PRKDC: variants seen among roughly 807,000 people sequenced by gnomAD.
PRKDC encodes the protein DNA-dependent protein kinase catalytic subunit.
Under a neutral mutation model 486.9 loss-of-function variants are expected in PRKDC, and 82 were observed. That is an observed-to-expected ratio of 0.17 (90% CI 0.14 to 0.20). The LOEUF (loss-of-function observed/expected upper bound fraction) is 0.20, where lower values mean the gene tolerates loss of function less well. Among genes scored for constraint, PRKDC ranks in the 10% least tolerant of loss-of-function variants. The pLI, the probability that PRKDC is intolerant of heterozygous loss-of-function variation, is 1.00. For missense variants in PRKDC, 4,504 were observed against 5,038.2 expected (o/e 0.89, Z 3.21); for synonymous variants, 1,895 against 1,837.0 (o/e 1.03, Z -0.81).
chr8:47,811,992 T>C (rs537047327), intron 68 of PRKDC, among the ~76,000 whole-genome samples: 2 of 152,096 alleles, frequency 1.3e-5, no homozygotes, highest in South Asian at 4.2e-4. Context: ...AAAAAGTATT[T>C]CCACCGTGGC....
At chr8:47,785,588 G>T (rs1392005532) in intron 76 of PRKDC, among the ~76,000 whole-genome samples, 1 of 152,136 alleles carries the variant, frequency 6.6e-6, no homozygotes, top group Non-Finnish European at 1.5e-5. Context: ...AAAAACATTA[G>T]CTGGGTGTGA....
chr8:47,909,591 G>A (rs543876559), intron 25 of PRKDC, among the ~76,000 whole-genome samples: 2 of 152,278 alleles, frequency 1.3e-5, no homozygotes, highest in South Asian at 4.1e-4. Context: ...CTGCCTACAG[G>A]GTCAGGCAGA....
chr8:47,947,485 G>C (rs1208959979), intron 7 of PRKDC, among the ~76,000 whole-genome samples: 1 of 152,218 alleles, frequency 6.6e-6, no homozygotes, highest in Non-Finnish European at 1.5e-5. Context: ...TGGCACCCAT[G>C]GCCAGGCACA....
In PRKDC at chr8:47,860,786, A is replaced by C. The variant is rs894953099; in HGVS notation, c.6058+113T>G. On this transcript the variant is annotated intron_variant, in intron 45 of 85. Coordinates refer to ENST00000314191, the MANE Select transcript of PRKDC (RefSeq NM_006904.7). ...AATTTCAATGTTTTAGGGTACTTAAAGTATTTTCTATTTACATAAAAAATA... is the reference window on the plus strand; with the variant it reads ...AATTTCAATGTTTTAGGGTACTTAACGTATTTTCTATTTACATAAAAAATA... 25 of 742,200 alleles carry C rather than the reference A, an allele frequency of 3.4e-5. No individual in the cohort carries two copies. The South Asian group carries it at 4.9e-4, about 15-fold the overall frequency. The allele number at this position is 742,200 out of a possible 1,614,324, so 46.0% of individuals were successfully genotyped here.
intron 46 of PRKDC, among the ~76,000 whole-genome samples, chr8:47,859,235 G>T (rs919216406): frequency 6.6e-6 from 1 of 152,152 alleles, no homozygotes; most frequent in Non-Finnish European, 1.5e-5. Flanking sequence ...TGGCTCCTGA[G>T]GTCAGATGTC....
chr8:47,780,123 C>T (rs1447950620), intron 80 of PRKDC, among the ~76,000 whole-genome samples: 5 of 151,468 alleles, frequency 3.3e-5, no homozygotes, highest in Non-Finnish European at 5.9e-5. Flanking sequence ...CCATGTTGAC[C>T]AGACTGGTCT....
intron 21 of PRKDC, among the ~76,000 whole-genome samples, chr8:47,925,326 G>A (rs1322851369): frequency 1.3e-5 from 2 of 152,202 alleles, no homozygotes; most frequent in African/African-American, 2.4e-5. Flanking sequence ...AGAACCCAGC[G>A]TCTGTCAAAA....
intron 24 of PRKDC, among the ~76,000 whole-genome samples, chr8:47,913,262 T>G (rs1449049877): frequency 2.0e-5 from 3 of 152,240 alleles, no homozygotes; most frequent in Non-Finnish European, 4.4e-5. Context: ...TATGCCTGTA[T>G]GAAAATTTGA....
chr8:47,902,060 C>T (rs978150837), intron 27 of PRKDC, among the ~76,000 whole-genome samples: 1 of 152,154 alleles, frequency 6.6e-6, no homozygotes, highest in Non-Finnish European at 1.5e-5. Context: ...CGGTGACCTA[C>T]GCTCCTTACT....
At chr8:47,849,552 T>C in intron 52 of PRKDC, 49 bp from the exon 53 acceptor site, 12 of 1,589,652 alleles carry the variant, frequency 7.5e-6, no homozygotes, top group Non-Finnish European at 1.0e-5. Flanking sequence ...AAATGTAGGT[T>C]AAGCATTGAA....
intron 47 of PRKDC, 101 bp from the exon 48 acceptor site, chr8:47,858,736 A>G: frequency 6.8e-7 from 1 of 1,462,252 alleles, no homozygotes; most frequent in South Asian, 1.5e-5. Context: ...TGAACAAAAA[A>G]AAATCACATT....
chr8:47,779,218 A>G, intron 80 of PRKDC, 125 bp from the exon 81 acceptor site: 2 of 661,158 alleles, frequency 3.0e-6, no homozygotes, highest in Admixed American at 3.2e-5. Flanking sequence ...TAAGACTTTT[A>G]ACCATATTCA....
Position 47,944,059 on chromosome 8 carries a change from A to G in PRKDC, c.722-30T>C, listed in dbSNP as rs56238911. 1.2e-5 allele frequency: 19 copies of G among 1,522,980 alleles called. No homozygotes were observed. The East Asian group carries it at 3.9e-4, about 31-fold the overall frequency. 94.3% of individuals were successfully genotyped at this position (1,522,980 alleles called of 1,614,324 possible). On this transcript the variant is annotated intron_variant, in intron 7 of 85. Coordinates refer to ENST00000314191, the MANE Select transcript of PRKDC (RefSeq NM_006904.7). ...GGAAATACCAAGAAGCCTGTTACAAATCGTAATAACAGTATCACATAACAC... is the reference window on the plus strand; with the variant it reads ...GGAAATACCAAGAAGCCTGTTACAAGTCGTAATAACAGTATCACATAACAC...
chr8:47,902,730 G>C lies in PRKDC; in HGVS notation c.3108C>G (p.Phe1036Leu). 6.2e-7 allele frequency: 1 copy of C among 1,613,710 alleles called. No homozygotes were observed. The highest frequency in any genetic ancestry group is 8.5e-7 in the Non-Finnish European group (1 of 1,179,768). The change falls in exon 27 of 86, where the codon TTC (phenylalanine) becomes TTG (leucine). Residue 1036 changes from phenylalanine to leucine, a missense_variant. Physicochemically the swap from Phe to Leu is conservative, Grantham distance 22. This residue lies in a region of PRKDC where 1,969 missense variants were observed against 2,068.9 expected (regional missense o/e 0.95). Coordinates refer to ENST00000314191, the MANE Select transcript of PRKDC (RefSeq NM_006904.7). ...TTATTTGCTTAATGGACCATTTAAG[G>C]AATTCTCGAATACACCGACCACAAA... ...RDFCGRCIRE[F>L]LKWSIKQITP...
chr8:47,952,892 C>T (rs1484194725), intron 7 of PRKDC, among the ~76,000 whole-genome samples: 1 of 151,588 alleles, frequency 6.6e-6, no homozygotes, highest in Non-Finnish European at 1.5e-5. Context: ...GTAATCCCAG[C>T]ACTTTGGGAG....
At chr8:47,863,978 C>T (rs2088740492) in intron 41 of PRKDC, among the ~76,000 whole-genome samples, 1 of 152,290 alleles carries the variant, frequency 6.6e-6, no homozygotes, top group African/African-American at 2.4e-5. Context: ...ACATCCTGCC[C>T]TCGCCCCACA....
At chr8:47,874,820 C>T (rs1016978283) in intron 40 of PRKDC, among the ~76,000 whole-genome samples, 5 of 151,320 alleles carry the variant, frequency 3.3e-5, no homozygotes, top group East Asian at 2.0e-4. Context: ...TTTGGAAGGC[C>T]GAGGCAGGCA....
At chr8:47,811,669 C>A (rs968978303) in intron 68 of PRKDC, among the ~76,000 whole-genome samples, 3 of 152,138 alleles carry the variant, frequency 2.0e-5, no homozygotes, top group African/African-American at 7.2e-5. Flanking sequence ...CATATCATTA[C>A]TTCATAATGA....
Position 47,774,397 on chromosome 8 carries a change from A to C in PRKDC, c.12183-20T>G. On this transcript the variant is annotated intron_variant, in intron 85 of 85. Coordinates refer to ENST00000314191, the MANE Select transcript of PRKDC (RefSeq NM_006904.7). ...TCATCACTGGAAAAAAAACAAACAC[A>C]GAAAACACAAAGCATGTGTCATTGT... 1.2e-6 allele frequency: 2 copies of C among 1,606,270 alleles called. No homozygotes were observed. The highest frequency in any genetic ancestry group is 1.7e-6 in the Non-Finnish European group (2 of 1,176,762).
Sources: gnomAD v4.1 joint callset for allele counts (sites outside exome capture counted in the v4.1 genomes callset) on GRCh38, gnomAD v4.1.1 for gene constraint, gnomAD v4.1.1 regional missense constraint, MANE v1.5 for transcripts, NCBI Gene and HGNC (gene_info 2026-07-23, HGNC 2026-07-21) for gene names.